The following SNTG1 variants were observed in gnomAD, a reference collection of about 807,000 sequenced individuals.
SNTG1 encodes the protein syntrophin gamma 1.
Under a neutral mutation model 74.7 loss-of-function variants are expected in SNTG1, and 39 were observed. That is an observed-to-expected ratio of 0.52 (90% confidence interval 0.40 to 0.68). SNTG1 has a LOEUF of 0.68. Among genes scored for constraint, SNTG1 ranks in the 30% least tolerant of loss-of-function variants. The probability of loss-of-function intolerance (pLI) is 0.00; values close to 1 mark genes in which losing one functional copy is unlikely to be tolerated. For synonymous variants in SNTG1, 254 were observed against 217.1 expected (o/e 1.17, Z -1.49); for missense variants, 685 against 609.5 (o/e 1.12, Z -1.30).
intron 18 of SNTG1, among the ~76,000 whole-genome samples, chr8:50,792,085 T>A (rs934914099): frequency 3.3e-5 from 5 of 151,682 alleles, no homozygotes; most frequent in Admixed American, 6.6e-5. Flanking sequence ...AGTTTATTTT[T>A]TTTTTTTTTA....
chr8:50,203,314 C>T (rs1040977960), intron 2 of SNTG1, among the ~76,000 whole-genome samples: 5 of 152,074 alleles, frequency 3.3e-5, no homozygotes, highest in African/African-American at 1.2e-4. Context: ...GAAGTGTTAA[C>T]TTTAGGGCTC....
intron 12 of SNTG1, among the ~76,000 whole-genome samples, chr8:50,578,318 C>A (rs993942029): frequency 1.3e-5 from 2 of 152,070 alleles, no homozygotes; most frequent in African/African-American, 4.8e-5. Context: ...TTAGCTGGTG[C>A]CAATTTCAGG....
intron 8 of SNTG1, among the ~76,000 whole-genome samples, chr8:50,480,548 A>G (rs1234704843): frequency 1.3e-5 from 2 of 152,206 alleles, no homozygotes; most frequent in Admixed American, 6.5e-5. Flanking sequence ...AGTAAATGGA[A>G]ACAAATTGCT....
chr8:50,276,731 T>C (rs1419045898), intron 2 of SNTG1, among the ~76,000 whole-genome samples: 1 of 151,938 alleles, frequency 6.6e-6, no homozygotes, highest in Non-Finnish European at 1.5e-5. Context: ...CTCTAGAATA[T>C]ACAAATTATT....
At chr8:50,322,074 T>C (rs934034174) in intron 2 of SNTG1, among the ~76,000 whole-genome samples, 10 of 151,614 alleles carry the variant, frequency 6.6e-5, no homozygotes, top group Non-Finnish European at 1.2e-4. Context: ...CTTATTAACA[T>C]CTTTTTTTTC....
chr8:50,383,483 T>A (rs1367338296), intron 2 of SNTG1, among the ~76,000 whole-genome samples: 3 of 152,224 alleles, frequency 2.0e-5, no homozygotes, highest in Non-Finnish European at 4.4e-5. Flanking sequence ...TACATGCACA[T>A]ACAGTCAAGT....
intron 1 of SNTG1, among the ~76,000 whole-genome samples, chr8:49,945,626 G>A (rs984096096): frequency 6.6e-6 from 1 of 152,142 alleles, no homozygotes; most frequent in Admixed American, 6.6e-5. Context: ...AGATTCGCTG[G>A]GTTCATGCAC....
At chr8:50,488,503 C>T (rs2093819444) in intron 8 of SNTG1, among the ~76,000 whole-genome samples, 1 of 152,148 alleles carries the variant, frequency 6.6e-6, no homozygotes, top group South Asian at 2.1e-4. Context: ...AAATAACTCT[C>T]CACACAGCTC....
At chr8:50,445,636 G>A (rs763585186) in intron 5 of SNTG1, among the ~76,000 whole-genome samples, 7 of 152,134 alleles carry the variant, frequency 4.6e-5, no homozygotes, top group African/African-American at 1.2e-4. Flanking sequence ...ATGTATGTGC[G>A]AACATTACCT....
intron 1 of SNTG1, among the ~76,000 whole-genome samples, chr8:50,140,469 G>C (rs2081618567): frequency 6.6e-6 from 1 of 152,092 alleles, no homozygotes; most frequent in Non-Finnish European, 1.5e-5. Context: ...GTGGGTGTAA[G>C]AGTGTGTGTG....
At chr8:50,213,848 G>A (rs1286685365) in intron 2 of SNTG1, among the ~76,000 whole-genome samples, 3 of 151,562 alleles carry the variant, frequency 2.0e-5, no homozygotes, top group Non-Finnish European at 4.4e-5. Flanking sequence ...CAGATGAGTA[G>A]GTTGTGAAAA....
chr8:50,782,240 C>G (rs930282555), intron 18 of SNTG1, among the ~76,000 whole-genome samples: 25 of 152,074 alleles, frequency 1.6e-4, no homozygotes, highest in Non-Finnish European at 2.5e-4. Flanking sequence ...TCCTGAATCT[C>G]AATGTTGGCC....
intron 5 of SNTG1, among the ~76,000 whole-genome samples, chr8:50,445,337 T>C (rs1428472197): frequency 6.6e-6 from 1 of 152,160 alleles, no homozygotes; most frequent in Non-Finnish European, 1.5e-5. Context: ...AAAGGAAAAA[T>C]AGTGGTTAGC....
At chr8:50,741,500 G>A (rs758939844) in intron 17 of SNTG1, among the ~76,000 whole-genome samples, 1 of 151,982 alleles carries the variant, frequency 6.6e-6, no homozygotes, top group Non-Finnish European at 1.5e-5. Context: ...AAAACATACT[G>A]TTACCATCCA....
chr8:50,637,732 A>T (rs1262762963), intron 13 of SNTG1, among the ~76,000 whole-genome samples: 1 of 152,130 alleles, frequency 6.6e-6, no homozygotes, highest in African/African-American at 2.4e-5. Flanking sequence ...GTTTACGAAT[A>T]TATTTAAATT....
intron 1 of SNTG1, among the ~76,000 whole-genome samples, chr8:49,920,104 C>G (rs756472362): frequency 1.4e-4 from 22 of 152,118 alleles, no homozygotes; most frequent in Non-Finnish European, 2.6e-4. Flanking sequence ...CATTATCTAC[C>G]TAAGTCATTT....
chr8:50,546,003 GA>G (rs1182076988), intron 11 of SNTG1, among the ~76,000 whole-genome samples: 1 of 152,096 alleles, frequency 6.6e-6, no homozygotes, highest in Non-Finnish European at 1.5e-5. Flanking sequence ...TATTTTGGGG[GA>G]TCTGAGGAGG....
At chr8:49,966,890 T>C (rs1811189610) in intron 1 of SNTG1, among the ~76,000 whole-genome samples, 1 of 152,184 alleles carries the variant, frequency 6.6e-6, no homozygotes, top group South Asian at 2.1e-4. Context: ...AATAAATAAT[T>C]GTTCGATGGT....
At chr8:50,690,498 A>T (rs2131441704) in intron 15 of SNTG1, among the ~76,000 whole-genome samples, 1 of 151,758 alleles carries the variant, frequency 6.6e-6, no homozygotes, top group South Asian at 2.1e-4. Flanking sequence ...CCTTCCTTTC[A>T]TTATTTACCC....
Sources: gnomAD v4.1 joint callset for allele counts (sites outside exome capture counted in the v4.1 genomes callset) on GRCh38, gnomAD v4.1.1 for gene constraint, MANE v1.5 for transcripts, NCBI Gene and HGNC (gene_info 2026-07-23, HGNC 2026-07-21) for gene names.